NUDT7: variants seen among roughly 807,000 people sequenced by gnomAD.
The protein encoded by NUDT7 is peroxisomal coenzyme A diphosphatase NUDT7.
In NUDT7, 19 loss-of-function variants were observed where a neutral mutation model predicts 13.1. The ratio of observed to expected loss-of-function variants is 1.45; its 90% CI spans 1.01 to 2.13. The LOEUF (loss-of-function observed/expected upper bound fraction) is 2.13. Among genes scored for constraint, NUDT7 ranks in the 30% most tolerant of loss-of-function variants. NUDT7 has a pLI of 0.00. For missense variants in NUDT7, 360 were observed against 291.7 expected (o/e 1.23, Z -1.71); for synonymous variants, 132 against 109.7 (o/e 1.20, Z -1.27).
At position 77,741,802 on chromosome 16, in the gene NUDT7, G is replaced by C. The variant is rs1192831161; in HGVS notation, c.569G>C (p.Gly190Ala). The change falls in exon 4 of 4, where the codon GGA (glycine) becomes GCA (alanine). Residue 190 changes from glycine (G) to alanine (A), a missense_variant. Physicochemically the swap from Gly to Ala is moderately conservative, Grantham distance 60. Coordinates refer to ENST00000268533, the MANE Select transcript of NUDT7 (RefSeq NM_001105663.3). ...PEDGVTYQIK[G>A]MTANLAVLVA... The stretch of plus-strand genomic sequence containing the variant: ...GACGGTGTCACTTACCAGATCAAGG[G>C]AATGACGGCAAACCTTGCAGTGTTG... 6.2e-7 allele frequency: 1 copy of C among 1,614,086 alleles called. No individual in the cohort carries two copies. The highest frequency in any genetic ancestry group is 1.7e-5 in the Admixed American group (1 of 60,002).
In NUDT7 at chr16:77,722,602, C is replaced by T. The variant is rs562244956; in HGVS notation, c.20C>T (p.Pro7Leu). ...AGGGCAATGTCACGACTTGGTCTTC[C>T]CGAGGAGCCAGTCAGGTAAAGGCTT... MSRLGLPEEPVRNSLLD... is the reference protein window; with the variant it reads MSRLGLLEEPVRNSLLD... The change falls in exon 1 of 4, where the codon CCC becomes CTC. Residue 7 changes from proline to leucine, a missense_variant. Pro to Leu is a moderately conservative substitution (Grantham distance 98). Coordinates refer to ENST00000268533, the MANE Select transcript of NUDT7 (RefSeq NM_001105663.3). The T allele has an allele frequency of 1.0e-4, 161 of 1,594,318 alleles. No homozygotes were observed. In the South Asian group the frequency reaches 1.7e-3, roughly 17 times the overall value.
At position 77,722,916 on chromosome 16, in the gene NUDT7, G is replaced by A. The variant is rs554495057; in HGVS notation, c.35+299G>A. Among the ~76,000 whole-genome samples the A allele has an allele frequency of 2.0e-5, 3 of 152,254 alleles. No individual in the cohort carries two copies. The East Asian group carries it at 5.8e-4, about 29-fold the overall frequency. ...TCCAGAGTTGGACCCCAGGACCCCCGACAGTGGCACAGACCCGCAGCAGGC... is the reference window on the plus strand; with the variant it reads ...TCCAGAGTTGGACCCCAGGACCCCCAACAGTGGCACAGACCCGCAGCAGGC... On this transcript the variant is annotated intron_variant, in intron 1 of 3. Coordinates refer to ENST00000268533, the MANE Select transcript of NUDT7 (RefSeq NM_001105663.3).
intron 3 of NUDT7, among the ~76,000 whole-genome samples, chr16:77,739,797 G>A (rs2014602127): frequency 6.6e-6 from 1 of 152,122 alleles, no homozygotes; most frequent in Non-Finnish European, 1.5e-5. Flanking sequence ...ACAGAGAGCT[G>A]GGAGTGCCTG....
chr16:77,728,293 C>T (rs755518986), intron 2 of NUDT7, among the ~76,000 whole-genome samples: 7 of 152,248 alleles, frequency 4.6e-5, no homozygotes, highest in Non-Finnish European at 7.4e-5. Context: ...AGTGCAGTGG[C>T]GTGATCTCAG....
At chr16:77,741,369 A>G in intron 3 of NUDT7, 1 of 516,130 alleles carries the variant, frequency 1.9e-6, no homozygotes. Flanking sequence ...CATACAAGAA[A>G]TCATTTTCAG....
intron 2 of NUDT7, 33 bp from the exon 3 acceptor site, chr16:77,735,795 C>A (rs778400264): frequency 7.6e-6 from 12 of 1,581,852 alleles, no homozygotes; most frequent in South Asian, 6.7e-5. Flanking sequence ...AAATTAGAAT[C>A]CCACATTGTA....
At position 77,735,333 on chromosome 16, in the gene NUDT7, G is replaced by A. The variant is rs546048730; in HGVS notation, c.190-495G>A. 10 of 444,416 alleles carry A rather than the reference G, an allele frequency of 2.3e-5. No individual in the cohort carries two copies. The South Asian group carries it at 4.3e-4, about 19-fold the overall frequency. The allele number at this position is 444,416 out of a possible 1,614,324, so 27.5% of individuals were successfully genotyped here. A position where few individuals can be genotyped will look rare whatever the true frequency, so the allele number is the denominator to read the frequency against. On this transcript the variant is annotated intron_variant, in intron 2 of 3. Coordinates refer to ENST00000268533, the MANE Select transcript of NUDT7 (RefSeq NM_001105663.3). ...ATCACAATAGTGAGTGAGTTCTCAC[G>A]AGATAAGGTTGTTTAAAAGTGTGTA...
At chr16:77,738,328 A>AT in intron 3 of NUDT7, among the ~76,000 whole-genome samples, 2 of 152,274 alleles carry the variant, frequency 1.3e-5, no homozygotes. Flanking sequence ...TCTCTGGGAG[A>AT]TTCCTGGGGG....
intron 3 of NUDT7, chr16:77,736,648 A>G: frequency 4.1e-6 from 1 of 246,170 alleles, no homozygotes; most frequent in Non-Finnish European, 8.6e-6. Flanking sequence ...TTTTTTTTAT[A>G]GAGATGGGGG....
chr16:77,738,874 C>G (rs527721449), intron 3 of NUDT7, among the ~76,000 whole-genome samples: 2 of 152,190 alleles, frequency 1.3e-5, no homozygotes, highest in East Asian at 3.8e-4. Context: ...CATCTGTGGT[C>G]GAATCCAGTT....
At chr16:77,731,789 G>T (rs2014326524) in intron 2 of NUDT7, among the ~76,000 whole-genome samples, 1 of 151,952 alleles carries the variant, frequency 6.6e-6, no homozygotes, top group African/African-American at 2.4e-5. Context: ...AGAGGTAGAA[G>T]ACAGTGATAT....
At position 77,725,571 on chromosome 16, in the gene NUDT7, T is replaced by C; in HGVS notation, c.176T>C (p.Val59Ala). The change falls in exon 2 of 4, where the codon GTC becomes GCC. Residue 59 changes from valine to alanine, a missense_variant. Val to Ala is a moderately conservative substitution (Grantham distance 64). Coordinates refer to ENST00000268533, the MANE Select transcript of NUDT7 (RefSeq NM_001105663.3). ...GGAAAACTCCATTTGTTGTTCACCG[T>C]CCGGTCAGAGAAGGTAGGTGGACAA... Reference protein sequence around the residue: ...KEGKLHLLFTVRSEKLRRAPG... With the variant: ...KEGKLHLLFTARSEKLRRAPG... 2 of 1,614,028 alleles carry C rather than the reference T, an allele frequency of 1.2e-6. No individual in the cohort carries two copies. The highest frequency in any genetic ancestry group is 1.7e-6 in the Non-Finnish European group (2 of 1,179,984).
At position 77,741,825 on chromosome 16, in the gene NUDT7, TTGG is replaced by T; in HGVS notation, c.596_598del (p.Val199del). 6.2e-7 allele frequency: 1 copy of T among 1,614,212 alleles called. No individual in the cohort carries two copies. ...GGGAATGACGGCAAACCTTGCAGTG[TTGG>T]TGGCCTTTATCATTTTGGAAAAAAA... On this transcript the variant is annotated inframe_deletion, in exon 4 of 4. Coordinates refer to ENST00000268533, the MANE Select transcript of NUDT7 (RefSeq NM_001105663.3).
At chr16:77,730,024 G>T (rs72628227) in intron 2 of NUDT7, among the ~76,000 whole-genome samples, 6,685 of 151,534 alleles carry the variant, frequency 0.044, 266 homozygotes, top group East Asian at 0.21. Context: ...ACCTCATATG[G>T]TAACATATCA....
intron 2 of NUDT7, chr16:77,735,490 T>C (rs191498435): frequency 3.2e-6 from 2 of 627,616 alleles, no homozygotes; most frequent in East Asian, 5.5e-5. Context: ...TCATGCTCCC[T>C]GTACGGCCTG....
chr16:77,728,593 G>A (rs2014216165), intron 2 of NUDT7, among the ~76,000 whole-genome samples: 1 of 152,202 alleles, frequency 6.6e-6, no homozygotes, highest in Non-Finnish European at 1.5e-5. Context: ...AAATGGGCCT[G>A]AAAACAGCGC....
chr16:77,733,821 T>C (rs2145119286), intron 2 of NUDT7, among the ~76,000 whole-genome samples: 1 of 152,136 alleles, frequency 6.6e-6, no homozygotes, highest in Middle Eastern at 3.4e-3. Context: ...TCCTTGACAA[T>C]TCAGGAGAGA....
chr16:77,741,645 C>A lies in NUDT7; in HGVS notation c.412C>A (p.Pro138Thr), dbSNP rs1400272368. 1.2e-6 allele frequency: 2 copies of A among 1,613,986 alleles called. No individual in the cohort carries two copies. Among genetic ancestry groups the A allele is most frequent in the African/African-American group, 1.3e-5 (1 of 75,046 alleles). The stretch of plus-strand genomic sequence containing the variant: ...CCACAACTTCCAGGCCCAGCCGAAT[C>A]CTGCTGAAGTTAAGGATGTATTCCT... Reference protein sequence around the residue: ...IDHNFQAQPNPAEVKDVFLVP... With the variant: ...IDHNFQAQPNTAEVKDVFLVP... Residue 138 changes from proline (P) to threonine (T), a missense_variant, in exon 4 of 4, where the codon CCT (proline) becomes ACT (threonine). By Grantham distance (38) the Pro-to-Thr change is conservative. Coordinates refer to ENST00000268533, the MANE Select transcript of NUDT7 (RefSeq NM_001105663.3).
chr16:77,736,634 A>ATTTT, intron 3 of NUDT7: 1 of 215,806 alleles, frequency 4.6e-6, no homozygotes, highest in Non-Finnish European at 9.8e-6. Flanking sequence ...TTTCTTTTTT[A>ATTTT]TTTTTTTTTT....
Sources: allele counts gnomAD v4.1 joint callset (sites outside exome capture counted in the v4.1 genomes callset), GRCh38; gene constraint gnomAD v4.1.1; transcripts MANE v1.5; gene names NCBI Gene and HGNC (gene_info 2026-07-23, HGNC 2026-07-21).